MYH15: variants seen among roughly 807,000 people sequenced by gnomAD.
MYH15 encodes the protein myosin heavy chain 15.
A neutral mutation model predicts 240.5 loss-of-function variants in MYH15; 227 were observed. The ratio of observed to expected loss-of-function variants is 0.94; its 90% CI spans 0.85 to 1.05. The LOEUF (loss-of-function observed/expected upper bound fraction) is 1.05, where lower values mean the gene tolerates loss of function less well. Ranked by LOEUF, MYH15 falls within the 50% of genes least tolerant of loss-of-function variation. MYH15 has a pLI of 0.00. For synonymous variants in MYH15, 785 were observed against 796.7 expected (o/e 0.99, Z 0.25); for missense variants, 2,217 against 2,247.5 (o/e 0.99, Z 0.27).
rs2082336002 is a variant in MYH15 at position 108,380,702 on chromosome 3, C to T, written c.*843G>A. On this transcript the variant is annotated 3_prime_UTR_variant, in exon 41 of 41. Coordinates refer to ENST00000693548, the MANE Select transcript of MYH15 (RefSeq NM_014981.3). ...CTGGGTCCAGGGAGCTGTCTCTGGT[C>T]TCTTCTAGCTCCCCTTTTTGGCCTG... is the stretch of plus-strand genomic sequence containing the variant. 1 of 152,392 alleles carries T rather than the reference C, an allele frequency of 6.6e-6. No homozygotes were observed. The highest frequency in any genetic ancestry group is 6.5e-5 in the Admixed American group (1 of 15,280). The allele number at this position is 152,392 out of a possible 1,614,324, so 9.4% of individuals were successfully genotyped here.
intron 33 of MYH15, among the ~76,000 whole-genome samples, chr3:108,401,389 C>T (rs2082504747): frequency 6.6e-6 from 1 of 151,938 alleles, no homozygotes; most frequent in South Asian, 2.1e-4. Context: ...GTCTGCAAGC[C>T]AAGGAGGATC....
intron 9 of MYH15, among the ~76,000 whole-genome samples, chr3:108,489,403 G>A (rs1278152740): frequency 2.0e-5 from 3 of 152,136 alleles, no homozygotes; most frequent in African/African-American, 7.2e-5. Flanking sequence ...AAGAAAAAGA[G>A]GAGAAAAGGG....
At chr3:108,495,002 C>A (rs367926378) in intron 7 of MYH15, among the ~76,000 whole-genome samples, 1 of 152,144 alleles carries the variant, frequency 6.6e-6, no homozygotes, top group Non-Finnish European at 1.5e-5. Context: ...GTTTTATGAA[C>A]CAGTATTAGC....
chr3:108,471,356 C>G (rs982925773), intron 12 of MYH15, among the ~76,000 whole-genome samples: 1 of 152,148 alleles, frequency 6.6e-6, no homozygotes, highest in African/African-American at 2.4e-5. Flanking sequence ...CTCTCAGGCC[C>G]AGTCCCAGAC....
intron 36 of MYH15, 36 bp downstream of exon 36, chr3:108,393,995 G>A (rs2107537427): frequency 6.2e-7 from 1 of 1,612,520 alleles, no homozygotes; most frequent in East Asian, 2.2e-5. Context: ...AGTGAACTCT[G>A]GGAGACAGGA....
Position 108,500,158 on chromosome 3 carries a change from G to C in MYH15, c.456C>G (p.Ile152Met). Reference sequence around the variant, plus strand: ...GAAAGGCGTTATTGGCAACAGCAAAGATGTGAGGGGGAGCCTCTGATCGCC... The same window carrying C: ...GAAAGGCGTTATTGGCAACAGCAAACATGTGAGGGGGAGCCTCTGATCGCC... ...GKRRSEAPPH[I>M]FAVANNAFQD... Residue 152 changes from isoleucine (I) to methionine (M), a missense_variant, in exon 4 of 41, where the codon ATC (isoleucine) becomes ATG (methionine). By Grantham distance (10) the Ile-to-Met change is conservative. Transcript: ENST00000693548. 3 of 1,614,094 alleles carry C rather than the reference G, an allele frequency of 1.9e-6. No homozygotes were observed. Among genetic ancestry groups the C allele is most frequent in the Non-Finnish European group, 2.5e-6 (3 of 1,179,952 alleles).
At chr3:108,492,638 T>C (rs1435845344) in intron 8 of MYH15, 43 bp from the exon 9 acceptor site, 2 of 1,461,710 alleles carry the variant, frequency 1.4e-6, no homozygotes, top group African/African-American at 1.4e-5. Flanking sequence ...TTAGGCATTC[T>C]TGCAAAATGT....
intron 12 of MYH15, among the ~76,000 whole-genome samples, chr3:108,472,037 T>G (rs1013091390): frequency 8.5e-5 from 13 of 152,234 alleles, no homozygotes; most frequent in African/African-American, 2.9e-4. Flanking sequence ...TTCCCAGTTT[T>G]GCTCTCAACA....
At chr3:108,478,221 A>C (rs2083236971) in intron 11 of MYH15, among the ~76,000 whole-genome samples, 1 of 152,178 alleles carries the variant, frequency 6.6e-6, no homozygotes. Context: ...ACAGCCTTTA[A>C]AATGTTTACA....
Position 108,493,139 on chromosome 3 carries a change from C to T in MYH15, c.750G>A (p.Met250Ile). ...AGATATCAATGTCCACAGATGACAG[C>T]ATGCCTCTGGCACCAAAGTGCATCC... ...FIRMHFGARG[M>I]LSSVDIDIYL... Residue 250 changes from methionine (M) to isoleucine (I), a missense_variant, in exon 8 of 41, where the codon ATG (methionine) becomes ATA (isoleucine). By Grantham distance (10) the Met-to-Ile change is conservative. Coordinates refer to ENST00000693548, the MANE Select transcript of MYH15 (RefSeq NM_014981.3). 1.9e-6 allele frequency: 3 copies of T among 1,614,156 alleles called. No individual in the cohort carries two copies. Among genetic ancestry groups the T allele is most frequent in the Non-Finnish European group, 2.5e-6 (3 of 1,180,010 alleles).
chr3:108,546,619 T>C, the MYH15 span, among the ~76,000 whole-genome samples: 5 of 152,132 alleles, frequency 3.3e-5, no homozygotes, highest in African/African-American at 9.6e-5. Flanking sequence ...ATCGAGAGAA[T>C]ATAGATACTG....
At chr3:108,420,954 C>G in intron 28 of MYH15, 134 bp downstream of exon 28, 1 of 1,279,370 alleles carries the variant, frequency 7.8e-7, no homozygotes. Flanking sequence ...AAAGCTGTCT[C>G]AGAGGCTGCA....
chr3:108,454,071 T>C lies in MYH15; in HGVS notation c.2334A>G (p.Thr778=), dbSNP rs1034877927. ...TGCCCTGTGCTCTGGCTTGGAACAA[T>C]GTGAAGACTTTAGATAGTCTCTCAT... ...IRDERLSKVF[T]LFQARAQGKL... The change falls in exon 21 of 41, where the codon ACA becomes ACG. Residue 778 remains threonine (T), a synonymous_variant. Transcript: ENST00000693548. The C allele has an allele frequency of 1.9e-6, 3 of 1,613,148 alleles. No individual in the cohort carries two copies. The highest frequency in any genetic ancestry group is 2.5e-6 in the Non-Finnish European group (3 of 1,179,376).
intron 11 of MYH15, among the ~76,000 whole-genome samples, chr3:108,478,471 G>C (rs1490880149): frequency 2.6e-5 from 4 of 152,174 alleles, no homozygotes; most frequent in African/African-American, 7.2e-5. Flanking sequence ...AACAGTGCCA[G>C]GTTTGGCGGC....
intron 38 of MYH15, among the ~76,000 whole-genome samples, chr3:108,385,800 C>T (rs1019372625): frequency 1.3e-4 from 19 of 151,578 alleles, no homozygotes; most frequent in African/African-American, 4.6e-4. Flanking sequence ...CCCACCACCA[C>T]GAACCCACTC....
chr3:108,489,974 C>A (rs2083334439), intron 9 of MYH15, among the ~76,000 whole-genome samples: 1 of 152,192 alleles, frequency 6.6e-6, no homozygotes, highest in Non-Finnish European at 1.5e-5. Flanking sequence ...CATGCATTTT[C>A]CATAGCAGCC....
intron 27 of MYH15, among the ~76,000 whole-genome samples, chr3:108,426,626 G>A (rs1381908816): frequency 1.3e-5 from 2 of 152,354 alleles, no homozygotes. Flanking sequence ...ATATTTTGGA[G>A]AGCCTTGGGG....
Position 108,444,634 on chromosome 3 carries a change from A to G in MYH15, c.2655+6T>C. On this transcript the variant is annotated splice_donor_region_variant and intron_variant, in intron 22 of 40. Coordinates refer to ENST00000693548, the MANE Select transcript of MYH15 (RefSeq NM_014981.3). ...GATTTAAAGAACAAATGGTGGGGCT[A>G]CTCACAGCCTGAAGCTGAAGAATCA... 6.2e-7 allele frequency: 1 copy of G among 1,613,666 alleles called. No homozygotes were observed. The highest frequency in any genetic ancestry group is 1.1e-5 in the South Asian group (1 of 90,988).
chr3:108,422,109 T>A (rs1174596735), intron 27 of MYH15, among the ~76,000 whole-genome samples: 2 of 150,010 alleles, frequency 1.3e-5, no homozygotes, highest in African/African-American at 5.1e-5. Flanking sequence ...GCATTCTTAT[T>A]ATTTATATGG....
Sources: gnomAD v4.1 joint callset for allele counts (sites outside exome capture counted in the v4.1 genomes callset) on GRCh38, gnomAD v4.1.1 for gene constraint, MANE v1.5 for transcripts, NCBI Gene and HGNC (gene_info 2026-07-23, HGNC 2026-07-21) for gene names.